PIK3R1: variants seen among roughly 807,000 people sequenced by gnomAD.
PIK3R1 encodes phosphoinositide-3-kinase regulatory subunit 1.
A neutral mutation model predicts 98.0 loss-of-function variants in PIK3R1; 29 were observed. That is an observed-to-expected ratio of 0.30 (90% CI 0.22 to 0.40). The LOEUF (loss-of-function observed/expected upper bound fraction) is 0.40. PIK3R1 is among the 10% of genes least tolerant of loss of function. PIK3R1 has a pLI of 1.00. For synonymous variants in PIK3R1, 282 were observed against 311.8 expected (o/e 0.90, Z 1.01); for missense variants, 596 against 872.7 (o/e 0.68, Z 3.99).
chr5:68,244,737 C>T (rs2112038641), intron 2 of PIK3R1, among the ~76,000 whole-genome samples: 1 of 152,072 alleles, frequency 6.6e-6, no homozygotes, highest in East Asian at 1.9e-4. Context: ...TATAAGGCAA[C>T]ATGCATTTTA....
At position 68,235,003 on chromosome 5, in the gene PIK3R1, A is replaced by G. The variant is rs192182321; in HGVS notation, c.334+7994A>G. Among the ~76,000 whole-genome samples the G allele has an allele frequency of 1.9e-3, 297 of 152,310 alleles. 2 individuals carry two copies. The highest frequency in any genetic ancestry group is 1.7e-3 in the Non-Finnish European group (116 of 68,024). ...TAAAATGCAGTTTTCAGAACTACTC[A>G]AGGGTGTAATAAGATTAATTTTTAT... On this transcript the variant is annotated intron_variant, in intron 2 of 15. Transcript: ENST00000521381.
At chr5:68,261,361 A>T (rs1745737970) in intron 2 of PIK3R1, among the ~76,000 whole-genome samples, 1 of 152,168 alleles carries the variant, frequency 6.6e-6, no homozygotes, top group Non-Finnish European at 1.5e-5. Context: ...CAAAGTTACC[A>T]ACATGTTGTT....
rs145617692 is a variant in PIK3R1 at position 68,241,575 on chromosome 5, G to A, written c.334+14566G>A. 8.3e-3 allele frequency among the ~76,000 whole-genome samples: 1,260 copies of A among 152,316 alleles called. 18 individuals are homozygous for A. Among genetic ancestry groups the A allele is most frequent in the African/African-American group, 0.028 (1,174 of 41,576 alleles). ...ACATTTGCTTTGTTCCAGGCACCAT[G>A]TGCTGTGTGCTCTACCTACCTAATC... On this transcript the variant is annotated intron_variant, in intron 2 of 15. Coordinates refer to ENST00000521381, the MANE Select transcript of PIK3R1 (RefSeq NM_181523.3).
intron 4 of PIK3R1, among the ~76,000 whole-genome samples, chr5:68,276,623 G>A (rs976301712): frequency 6.6e-6 from 1 of 152,178 alleles, no homozygotes; most frequent in Non-Finnish European, 1.5e-5. Context: ...GGAAGAGCAC[G>A]TTAGGCCAGT....
At chr5:68,290,302 C>A (rs1327463778) in intron 7 of PIK3R1, among the ~76,000 whole-genome samples, 1 of 152,184 alleles carries the variant, frequency 6.6e-6, no homozygotes, top group Non-Finnish European at 1.5e-5. Context: ...AATGACTGGG[C>A]TATCTATAAA....
rs772496877 is a variant in PIK3R1, at chr5:68,297,642, C to T, written c.*41C>T. The T allele has an allele frequency of 3.9e-6, 6 of 1,557,496 alleles. No homozygotes were observed. The highest frequency in any genetic ancestry group is 5.3e-6 in the Non-Finnish European group (6 of 1,136,434). On this transcript the variant is annotated 3_prime_UTR_variant, in exon 16 of 16. Coordinates refer to ENST00000521381, the MANE Select transcript of PIK3R1 (RefSeq NM_181523.3). ...ATCCTTCTCCTGAAGTTCAGCCACC[C>T]TGAGGCCTCTGGAAAGCAAAGGGCT...
At chr5:68,283,497 T>C (rs1252089262) in intron 7 of PIK3R1, among the ~76,000 whole-genome samples, 1 of 152,212 alleles carries the variant, frequency 6.6e-6, no homozygotes, top group Admixed American at 6.5e-5. Context: ...GGGCTTGAAA[T>C]GTGCCTTGAA....
chr5:68,288,326 C>T (rs1747167817), intron 7 of PIK3R1: 2 of 817,804 alleles, frequency 2.4e-6, no homozygotes, highest in Non-Finnish European at 3.1e-6. Flanking sequence ...ATCCCTAGCT[C>T]AGCAAATATT....
At chr5:68,216,700 G>A (rs558949026) in intron 1 of PIK3R1, among the ~76,000 whole-genome samples, 113 of 149,782 alleles carry the variant, frequency 7.5e-4, no homozygotes, top group African/African-American at 2.8e-3. Flanking sequence ...GCAATATGGA[G>A]CCGGCTGGGG....
intron 2 of PIK3R1, among the ~76,000 whole-genome samples, chr5:68,227,481 A>G (rs1038580789): frequency 2.6e-5 from 4 of 152,200 alleles, no homozygotes; most frequent in African/African-American, 9.6e-5. Flanking sequence ...ACAACATGAA[A>G]TCTACAACAC....
chr5:68,284,024 GA>G (rs71610589), intron 7 of PIK3R1, among the ~76,000 whole-genome samples: 1 of 151,782 alleles, frequency 6.6e-6, no homozygotes, highest in African/African-American at 2.4e-5. Flanking sequence ...CTGTGCAGTG[GA>G]AAAAAAAGTG....
At chr5:68,276,092 A>G (rs1187018119) in intron 4 of PIK3R1, among the ~76,000 whole-genome samples, 1 of 152,078 alleles carries the variant, frequency 6.6e-6, no homozygotes, top group Non-Finnish European at 1.5e-5. Flanking sequence ...CTCTTTTTTA[A>G]TTTTGCCCTA....
intron 2 of PIK3R1, among the ~76,000 whole-genome samples, chr5:68,266,052 C>T (rs747565263): frequency 6.6e-6 from 1 of 152,132 alleles, no homozygotes; most frequent in Non-Finnish European, 1.5e-5. Flanking sequence ...CCTTGGTCAG[C>T]CAGTGGCCTG....
chr5:68,262,412 G>GCA lies in PIK3R1; in HGVS notation c.335-10967_335-10966dup, dbSNP rs558738731. 3.0e-3 allele frequency among the ~76,000 whole-genome samples: 331 copies of GCA among 109,902 alleles called. 1 individual carries two copies. Among genetic ancestry groups the GCA allele is most frequent in the African/African-American group, 0.012 (317 of 26,446 alleles). The allele number at this position is 109,902 out of a possible 152,430, so 72.1% of individuals were successfully genotyped here. A position where few individuals can be genotyped will look rare whatever the true frequency, so the allele number is the denominator to read the frequency against. ...TATATATATATATATATACACACACGCACACACACACATACACTACATATA... is the reference window on the plus strand; with the variant it reads ...TATATATATATATATATACACACACGCACACACACACACATACACTACATATA... On this transcript the variant is annotated intron_variant, in intron 2 of 15. Coordinates refer to ENST00000521381, the MANE Select transcript of PIK3R1 (RefSeq NM_181523.3).
At chr5:68,262,800 G>GATGCATGTAGATACGTGT (rs1745876049) in intron 2 of PIK3R1, among the ~76,000 whole-genome samples, 5 of 5,458 alleles carry the variant, frequency 9.2e-4, no homozygotes, top group African/African-American at 4.7e-3. Context: ...TGTATACGTA[G>GATGCATGTAGATACGTGT]ATACATGTAT....
At chr5:68,283,660 C>T (rs909056165) in intron 7 of PIK3R1, among the ~76,000 whole-genome samples, 4 of 152,170 alleles carry the variant, frequency 2.6e-5, no homozygotes, top group African/African-American at 9.7e-5. Context: ...CAAAAAACAT[C>T]ATTTTAGAGT....
intron 2 of PIK3R1, among the ~76,000 whole-genome samples, chr5:68,243,829 G>A (rs567668113): frequency 1.5e-4 from 23 of 152,030 alleles, no homozygotes; most frequent in South Asian, 8.3e-4. Flanking sequence ...AGTGATGAGG[G>A]GCTACTTAAT....
intron 7 of PIK3R1, chr5:68,288,511 G>C: frequency 7.5e-7 from 1 of 1,327,248 alleles, no homozygotes. Context: ...GGGGCGGAGG[G>C]ACGAGCCGAG....
chr5:68,293,518 GT>G, intron 10 of PIK3R1, 35 bp downstream of exon 10: 1 of 1,495,562 alleles, frequency 6.7e-7, no homozygotes, highest in Non-Finnish European at 9.2e-7. Flanking sequence ...CAGTTACGAT[GT>G]TTAGACAAGA....
Sources: allele counts gnomAD v4.1 joint callset (sites outside exome capture counted in the v4.1 genomes callset), GRCh38; gene constraint gnomAD v4.1.1; transcripts MANE v1.5; gene names NCBI Gene and HGNC (gene_info 2026-07-23, HGNC 2026-07-21).